Variants in HSD17B3 observed in about 807,000 individuals in gnomAD.
HSD17B3 encodes the protein 17-beta-hydroxysteroid dehydrogenase type 3.
In HSD17B3, 29 loss-of-function variants were observed where a neutral mutation model predicts 41.1. The ratio of observed to expected loss-of-function variants is 0.71; its 90% CI spans 0.53 to 0.96. The LOEUF (loss-of-function observed/expected upper bound fraction) is 0.96, where lower values mean the gene tolerates loss of function less well. HSD17B3 is among the 40% of genes least tolerant of loss of function. HSD17B3 has a pLI of 0.00. For missense variants in HSD17B3, 323 were observed against 374.6 expected, an observed-to-expected ratio of 0.86 and a Z score of 1.14; for synonymous variants, 126 against 145.6, an observed-to-expected ratio of 0.87 and a Z score of 0.97.
chr9:96,285,334 GTTT>G (rs1375272821), intron 2 of HSD17B3, among the ~76,000 whole-genome samples: 1 of 152,134 alleles, frequency 6.6e-6, no homozygotes, highest in African/African-American at 2.4e-5. Context: ...CTCATCAGCT[GTTT>G]TTAAGTTTGT....
intron 7 of HSD17B3, 133 bp downstream of exon 7, chr9:96,246,423 G>C: frequency 1.2e-6 from 1 of 806,196 alleles, no homozygotes; most frequent in South Asian, 1.4e-5. Flanking sequence ...CATAATCACC[G>C]TGTGCTTTCA....
chr9:96,280,355 C>G (rs1184513833), intron 2 of HSD17B3, among the ~76,000 whole-genome samples: 1 of 152,170 alleles, frequency 6.6e-6, no homozygotes, highest in East Asian at 1.9e-4. Context: ...AACGACTATT[C>G]CACAGTATAA....
intron 6 of HSD17B3, chr9:96,247,369 G>T (rs1311811355): frequency 6.5e-6 from 1 of 152,712 alleles, no homozygotes; most frequent in Admixed American, 6.5e-5. Flanking sequence ...AAAGGAGAGG[G>T]GTGGAGACAT....
At chr9:96,245,863 C>T (rs781580320) in intron 7 of HSD17B3, among the ~76,000 whole-genome samples, 36 of 152,186 alleles carry the variant, frequency 2.4e-4, no homozygotes, top group Non-Finnish European at 4.3e-4. Context: ...GGAATATTGT[C>T]TTGGATAGAA....
intron 4 of HSD17B3, 141 bp from the exon 5 acceptor site, chr9:96,251,626 T>C: frequency 1.3e-6 from 1 of 753,450 alleles, no homozygotes; most frequent in Non-Finnish European, 2.3e-6. Context: ...GGGGGAAGTT[T>C]TTGTCCAGTA....
chr9:96,277,458 A>G (rs1015979247), intron 2 of HSD17B3, among the ~76,000 whole-genome samples: 2 of 152,258 alleles, frequency 1.3e-5, no homozygotes, highest in African/African-American at 2.4e-5. Flanking sequence ...GTCAATAGGC[A>G]TATGAAAAGA....
At chr9:96,300,318 C>T (rs1365586203) in intron 1 of HSD17B3, among the ~76,000 whole-genome samples, 1 of 101,254 alleles carries the variant, frequency 9.9e-6, no homozygotes, top group Non-Finnish European at 2.1e-5. Context: ...ATTTCTCACA[C>T]GGTAATTTTT....
chr9:96,272,405 C>CTCTCTATA (rs1239816824), intron 2 of HSD17B3, among the ~76,000 whole-genome samples: 2 of 21,536 alleles, frequency 9.3e-5, no homozygotes, highest in African/African-American at 1.6e-4. Flanking sequence ...CTCTCTCTCT[C>CTCTCTATA]TATATATATA....
At chr9:96,298,232 T>C (rs1223897190) in intron 2 of HSD17B3, among the ~76,000 whole-genome samples, 184 bp downstream of exon 2, 1 of 152,208 alleles carries the variant, frequency 6.6e-6, no homozygotes, top group Non-Finnish European at 1.5e-5. Flanking sequence ...AATATCATTG[T>C]GTTTAAAAAA....
intron 3 of HSD17B3, among the ~76,000 whole-genome samples, chr9:96,253,304 C>T (rs531885799): frequency 1.8e-4 from 27 of 152,248 alleles, no homozygotes; most frequent in Non-Finnish European, 3.5e-4. Context: ...AACACACCTC[C>T]GAGGGACTCT....
At chr9:96,262,485 C>T (rs1487182782) in intron 2 of HSD17B3, among the ~76,000 whole-genome samples, 1 of 151,742 alleles carries the variant, frequency 6.6e-6, no homozygotes, top group East Asian at 1.9e-4. Context: ...ACCTTGTGAT[C>T]CACCCTCCTC....
intron 2 of HSD17B3, among the ~76,000 whole-genome samples, chr9:96,281,689 T>C (rs532681155): frequency 2.9e-4 from 44 of 152,326 alleles, no homozygotes; most frequent in Non-Finnish European, 5.0e-4. Flanking sequence ...ATGTACAGCA[T>C]TGTGGTACAC....
intron 10 of HSD17B3, among the ~76,000 whole-genome samples, chr9:96,236,525 A>AAATAAAT (rs1836245102): frequency 6.7e-6 from 1 of 149,482 alleles, no homozygotes; most frequent in African/African-American, 2.5e-5. Context: ...ATAAATAAAT[A>AAATAAAT]AATAAATAAA....
In HSD17B3 at chr9:96,246,545, G is replaced by A. The variant is rs1413626255; in HGVS notation, c.524+11C>T. The A allele has an allele frequency of 6.2e-7, 1 of 1,613,756 alleles. No individual in the cohort carries two copies. The highest frequency in any genetic ancestry group is 2.2e-5 in the East Asian group (1 of 44,888). On this transcript the variant is annotated intron_variant, in intron 7 of 10. Coordinates refer to ENST00000375263, the MANE Select transcript of HSD17B3 (RefSeq NM_000197.2). ...CCATGTTGCTCCACACTTTTTTGAA[G>A]AAGGCCTTACCTTGATTCCATATGT...
intron 2 of HSD17B3, among the ~76,000 whole-genome samples, chr9:96,295,111 A>G (rs1827299389): frequency 7.0e-6 from 1 of 143,828 alleles, no homozygotes; most frequent in Non-Finnish European, 1.5e-5. Flanking sequence ...GGTTCAAGCG[A>G]TTCTCCTGCC....
intron 7 of HSD17B3, 53 bp from the exon 8 acceptor site, chr9:96,245,479 G>A: frequency 7.3e-7 from 1 of 1,366,040 alleles, no homozygotes; most frequent in Non-Finnish European, 1.0e-6. Flanking sequence ...ACCTGACCTT[G>A]AGTACAAAGA....
At chr9:96,296,092 T>G (rs756060974) in intron 2 of HSD17B3, among the ~76,000 whole-genome samples, 3 of 151,808 alleles carry the variant, frequency 2.0e-5, no homozygotes, top group Admixed American at 2.0e-4. Flanking sequence ...GTACAAAAAA[T>G]TTAAAAATTA....
intron 5 of HSD17B3, chr9:96,250,000 C>A: frequency 6.9e-7 from 1 of 1,449,648 alleles, no homozygotes. Context: ...GTACCCACGT[C>A]ATCTTGACTA....
At chr9:96,244,441 C>T (rs1271069897) in intron 8 of HSD17B3, 47 bp from the exon 9 acceptor site, 19 of 1,586,074 alleles carry the variant, frequency 1.2e-5, no homozygotes, top group South Asian at 4.4e-5. Flanking sequence ...TGAGCTCCCT[C>T]GTCAGAGCCA....
Sources: allele counts gnomAD v4.1 joint callset (sites outside exome capture counted in the v4.1 genomes callset), GRCh38; gene constraint gnomAD v4.1.1; transcripts MANE v1.5; gene names NCBI Gene and HGNC (gene_info 2026-07-23, HGNC 2026-07-21).